CTNNA3: variants seen among roughly 807,000 people sequenced by gnomAD.
CTNNA3 encodes catenin alpha 3.
Under a neutral mutation model 95.7 loss-of-function variants are expected in CTNNA3, and 76 were observed. That is an observed-to-expected ratio of 0.79 (90% CI 0.66 to 0.96). CTNNA3 has a LOEUF of 0.96. Ranked by LOEUF, CTNNA3 falls within the 40% of genes least tolerant of loss-of-function variation. The probability of loss-of-function intolerance (pLI) is 0.00; values close to 1 mark genes in which losing one functional copy is unlikely to be tolerated. For synonymous variants in CTNNA3, 431 were observed against 374.4 expected, an observed-to-expected ratio of 1.15 and a Z score of -1.74; for missense variants, 1,191 against 1,089.8, an observed-to-expected ratio of 1.09 and a Z score of -1.31.
At chr10:66,638,189 T>G (rs1249014295) in intron 9 of CTNNA3, among the ~76,000 whole-genome samples, 1 of 152,198 alleles carries the variant, frequency 6.6e-6, no homozygotes, top group African/African-American at 2.4e-5. Flanking sequence ...TCTTGCAATC[T>G]TTGTTCATGA....
chr10:67,017,194 T>C (rs529482795), intron 7 of CTNNA3, among the ~76,000 whole-genome samples: 53 of 152,336 alleles, frequency 3.5e-4, no homozygotes, highest in African/African-American at 1.3e-3. Flanking sequence ...CAAAGTGTTT[T>C]CAGGTCCATT....
chr10:67,074,554 G>A (rs757504546), intron 7 of CTNNA3, among the ~76,000 whole-genome samples: 19 of 150,114 alleles, frequency 1.3e-4, no homozygotes, highest in Non-Finnish European at 2.2e-4. Flanking sequence ...GTTTCACCAT[G>A]TTAGCCAGGA....
intron 15 of CTNNA3, among the ~76,000 whole-genome samples, chr10:66,068,550 T>C (rs1015139660): frequency 6.6e-6 from 1 of 152,198 alleles, no homozygotes; most frequent in African/African-American, 2.4e-5. Context: ...GGGGTATAAA[T>C]GAATGTACCA....
chr10:67,239,028 C>T (rs1222134849), intron 5 of CTNNA3, among the ~76,000 whole-genome samples: 5 of 152,016 alleles, frequency 3.3e-5, no homozygotes, highest in Non-Finnish European at 1.5e-5. Flanking sequence ...GGAAAATATA[C>T]CTTAATCCAG....
At chr10:67,019,202 CT>C (rs967952059) in intron 7 of CTNNA3, among the ~76,000 whole-genome samples, 1 of 152,064 alleles carries the variant, frequency 6.6e-6, no homozygotes, top group Non-Finnish European at 1.5e-5. Context: ...TGCCACTTTT[CT>C]TTTTTTAATT....
At chr10:66,090,599 G>T (rs112975848) in intron 14 of CTNNA3, among the ~76,000 whole-genome samples, 2 of 151,964 alleles carry the variant, frequency 1.3e-5, no homozygotes, top group Non-Finnish European at 2.9e-5. Flanking sequence ...TTCAAACATA[G>T]GAGTCTAGCT....
chr10:66,273,111 C>A (rs2091317762), intron 13 of CTNNA3, among the ~76,000 whole-genome samples: 1 of 151,876 alleles, frequency 6.6e-6, no homozygotes, highest in African/African-American at 2.4e-5. Context: ...TTTTTCTTTC[C>A]TTAATAAGTC....
intron 1 of CTNNA3, among the ~76,000 whole-genome samples, chr10:67,757,170 G>A (rs918654332): frequency 1.8e-4 from 27 of 152,194 alleles, no homozygotes; most frequent in Non-Finnish European, 3.4e-4. Flanking sequence ...GGGAAAAACT[G>A]AATGCCTTAG....
chr10:66,118,176 T>C (rs2082416477), intron 13 of CTNNA3: 1 of 152,234 alleles, frequency 6.6e-6, no homozygotes, highest in Non-Finnish European at 1.5e-5. Context: ...CAAATAATCA[T>C]TGTAATAAGT....
rs142371493 is a variant in CTNNA3 at position 66,379,151 on chromosome 10, C to T, written c.1732+1G>A. The T allele has an allele frequency of 6.2e-7, 1 of 1,612,266 alleles. No homozygotes were observed. The highest frequency in any genetic ancestry group is 8.5e-7 in the Non-Finnish European group (1 of 1,178,318). On this transcript the variant is annotated splice_donor_variant, in intron 12 of 17. Transcript: ENST00000433211. LOFTEE classifies it high-confidence loss of function. ...GCAGCTGTTATTGGCAACTGACTTA[C>T]CAGTACTTGTAAGGAAGTTAACATT... is the stretch of plus-strand genomic sequence containing the variant.
At chr10:67,291,030 T>A (rs1200573476) in intron 5 of CTNNA3, among the ~76,000 whole-genome samples, 3 of 152,060 alleles carry the variant, frequency 2.0e-5, no homozygotes, top group Non-Finnish European at 4.4e-5. Context: ...AACATAAGGT[T>A]GAAAGGATGG....
intron 7 of CTNNA3, among the ~76,000 whole-genome samples, chr10:66,915,522 G>T (rs772944004): frequency 6.6e-6 from 1 of 151,800 alleles, no homozygotes; most frequent in Non-Finnish European, 1.5e-5. Context: ...AACAAAATGA[G>T]TGGTAAACTA....
intron 13 of CTNNA3, among the ~76,000 whole-genome samples, chr10:66,125,747 T>A (rs1443167510): frequency 6.6e-6 from 1 of 152,158 alleles, no homozygotes; most frequent in Non-Finnish European, 1.5e-5. Context: ...GAATCCCACC[T>A]GAAAAGGCTA....
chr10:66,840,678 A>G (rs965993955), intron 7 of CTNNA3, among the ~76,000 whole-genome samples: 1 of 152,108 alleles, frequency 6.6e-6, no homozygotes, highest in South Asian at 2.1e-4. Context: ...TTTGCTTTCA[A>G]TGTAGAATTT....
intron 1 of CTNNA3, among the ~76,000 whole-genome samples, chr10:67,705,033 A>G (rs1023049306): frequency 6.6e-6 from 1 of 152,254 alleles, no homozygotes; most frequent in Non-Finnish European, 1.5e-5. Flanking sequence ...AAAAATGGTC[A>G]CCATCACTGG....
At chr10:67,414,639 A>C (rs1845482507) in intron 5 of CTNNA3, among the ~76,000 whole-genome samples, 1 of 152,148 alleles carries the variant, frequency 6.6e-6, no homozygotes, top group Non-Finnish European at 1.5e-5. Context: ...ACAACAACAA[A>C]CTTCAGACTA....
At chr10:66,887,423 GA>G (rs1278388300) in intron 7 of CTNNA3, among the ~76,000 whole-genome samples, 1 of 151,674 alleles carries the variant, frequency 6.6e-6, no homozygotes, top group Non-Finnish European at 1.5e-5. Context: ...TATTAGAGAA[GA>G]AAAACAATGA....
At chr10:67,175,313 G>A (rs1208343393) in intron 7 of CTNNA3, among the ~76,000 whole-genome samples, 1 of 151,948 alleles carries the variant, frequency 6.6e-6, no homozygotes. Context: ...ATTAATTAAG[G>A]CTGGAATTAT....
chr10:67,462,035 T>C (rs561447796), intron 5 of CTNNA3, among the ~76,000 whole-genome samples: 2 of 152,352 alleles, frequency 1.3e-5, no homozygotes, highest in East Asian at 3.9e-4. Context: ...ACCAGTTTTG[T>C]AGGTATGAAA....
Sources: gnomAD v4.1 joint callset for allele counts (sites outside exome capture counted in the v4.1 genomes callset) on GRCh38, gnomAD v4.1.1 for gene constraint, MANE v1.5 for transcripts, NCBI Gene and HGNC (gene_info 2026-07-23, HGNC 2026-07-21) for gene names.